The following LMO1 variants were observed in gnomAD, a reference collection of about 807,000 sequenced individuals.
The protein encoded by LMO1 is LIM domain only 1.
A neutral mutation model predicts 18.0 loss-of-function variants in LMO1; 10 were observed. The observed-to-expected ratio is 0.55, with a 90% CI of 0.34 to 0.94. LMO1 has a LOEUF of 0.94. Among genes scored for constraint, LMO1 ranks in the 40% least tolerant of loss-of-function variants. LMO1 has a pLI of 0.02. For missense variants in LMO1, 183 were observed against 205.7 expected (o/e 0.89, Z 0.68); for synonymous variants, 77 against 77.9 (o/e 0.99, Z 0.06).
chr11:8,263,231 C>G (rs1183988399), intron 1 of LMO1, 107 bp downstream of exon 1: 1 of 1,114,978 alleles, frequency 9.0e-7, no homozygotes, highest in African/African-American at 1.6e-5. Context: ...CCCGCAATCC[C>G]CGCACAGCCC....
rs146494630 is a variant in LMO1 at position 8,225,849 on chromosome 11, C to A, written c.365+1126G>T. Among the ~76,000 whole-genome samples the A allele has an allele frequency of 3.8e-4, 58 of 152,332 alleles. 1 individual carries two copies. The East Asian group carries it at 9.8e-3, about 26-fold the overall frequency. ...GTTCCCTGTAGGTCCCTCTGAACCT[C>A]ACTTCAGGGAGCACTTGTATGCGTT... On this transcript the variant is annotated intron_variant, in intron 3 of 3. Transcript: ENST00000335790.
chr11:8,268,349 T>G (rs1847282110), upstream of LMO1: 1 of 1,287,464 alleles, frequency 7.8e-7, no homozygotes, highest in Admixed American at 2.8e-5. Context: ...CGGGGTGGAC[T>G]CCGCAGGGCC....
chr11:8,243,777 G>A (rs1347497259), intron 1 of LMO1, among the ~76,000 whole-genome samples: 1 of 152,224 alleles, frequency 6.6e-6, no homozygotes, highest in African/African-American at 2.4e-5. Flanking sequence ...ACCCTAGAAA[G>A]GGCCCCAGGC....
At position 8,250,714 on chromosome 11, in the gene LMO1, C is replaced by T. The variant is rs1240133274; in HGVS notation, c.25+12624G>A. The stretch of plus-strand genomic sequence containing the variant: ...ACAGGCAAAGAGCTGGGGTGCAGCC[C>T]GAGGCCCCATGCCAGTCGGATGCAG... On this transcript the variant is annotated intron_variant, in intron 1 of 3. Transcript: ENST00000335790. 2.6e-5 allele frequency among the ~76,000 whole-genome samples: 4 copies of T among 152,234 alleles called. 1 individual carries two copies. The highest frequency in any genetic ancestry group is 4.4e-5 in the Non-Finnish European group (3 of 68,042).
At chr11:8,249,596 A>C (rs58672701) in intron 1 of LMO1, among the ~76,000 whole-genome samples, 2,367 of 152,270 alleles carry the variant, frequency 0.016, 50 homozygotes, top group African/African-American at 0.052. Context: ...TGTAACATGT[A>C]ACAAACCTGC....
chr11:8,265,511 A>G (rs1434212825), upstream of LMO1, among the ~76,000 whole-genome samples: 1 of 152,216 alleles, frequency 6.6e-6, no homozygotes, highest in Non-Finnish European at 1.5e-5. Flanking sequence ...TCTGCAGCTC[A>G]GAGGGTTTCA....
At chr11:8,252,860 G>A (rs1165088722) in intron 1 of LMO1, among the ~76,000 whole-genome samples, 2 of 152,252 alleles carry the variant, frequency 1.3e-5, no homozygotes, top group Non-Finnish European at 2.9e-5. Context: ...CCACAGCAAC[G>A]AGAGAATAAG....
At chr11:8,257,493 T>C (rs1203687387) in intron 1 of LMO1, among the ~76,000 whole-genome samples, 3 of 152,212 alleles carry the variant, frequency 2.0e-5, no homozygotes, top group Admixed American at 6.5e-5. Flanking sequence ...CCCAAGCACG[T>C]GGTCCGTGGT....
At chr11:8,267,137 T>C (rs1847269363), upstream of LMO1, among the ~76,000 whole-genome samples, 1 of 152,192 alleles carries the variant, frequency 6.6e-6, no homozygotes, top group African/African-American at 2.4e-5. Context: ...CAGTTATAGA[T>C]TGTTAGGCCT....
chr11:8,233,550 C>G (rs904616272), intron 1 of LMO1, among the ~76,000 whole-genome samples: 3 of 152,220 alleles, frequency 2.0e-5, no homozygotes, highest in African/African-American at 7.2e-5. Context: ...TGTCTGCTCT[C>G]ACCGGGCTGG....
chr11:8,232,611 T>C (rs1188428753), intron 1 of LMO1, among the ~76,000 whole-genome samples: 1 of 152,174 alleles, frequency 6.6e-6, no homozygotes. Flanking sequence ...GGGAAAATCT[T>C]GGGCCAGGCC....
intron 1 of LMO1, among the ~76,000 whole-genome samples, chr11:8,255,540 C>T (rs958734509): frequency 6.6e-5 from 10 of 152,110 alleles, no homozygotes; most frequent in South Asian, 4.1e-4. Context: ...CCTTCCGGAC[C>T]GGTCTCTGCC....
At chr11:8,249,166 G>A (rs1334562676) in intron 1 of LMO1, among the ~76,000 whole-genome samples, 1 of 152,170 alleles carries the variant, frequency 6.6e-6, no homozygotes, top group Non-Finnish European at 1.5e-5. Flanking sequence ...CACAGCTTCA[G>A]CACAGTTTCT....
chr11:8,249,000 G>T (rs187110489), intron 1 of LMO1, among the ~76,000 whole-genome samples: 15 of 152,338 alleles, frequency 9.8e-5, no homozygotes, highest in African/African-American at 2.9e-4. Flanking sequence ...ACAAAGCTGG[G>T]CAAGGACAGG....
chr11:8,255,399 G>A (rs1429310307), intron 1 of LMO1, among the ~76,000 whole-genome samples: 1 of 152,196 alleles, frequency 6.6e-6, no homozygotes, highest in Non-Finnish European at 1.5e-5. Context: ...CTCAGCTTGG[G>A]AGACTGAAGA....
At position 8,244,944 on chromosome 11, in the gene LMO1, C is replaced by T. The variant is rs539152085; in HGVS notation, c.26-14440G>A. 8.5e-5 allele frequency among the ~76,000 whole-genome samples: 13 copies of T among 152,346 alleles called. No individual in the cohort carries two copies. The East Asian group carries it at 1.7e-3, about 20-fold the overall frequency. On this transcript the variant is annotated intron_variant, in intron 1 of 3. Coordinates refer to ENST00000335790, the MANE Select transcript of LMO1 (RefSeq NM_002315.3). Reference sequence around the variant, plus strand: ...AGCCCAGAAGCCAGCCACTTCTCCCCGACAGTTCCACAGTACCCTGCATCC... The same window carrying T: ...AGCCCAGAAGCCAGCCACTTCTCCCTGACAGTTCCACAGTACCCTGCATCC...
In LMO1 at chr11:8,252,198, CTT is replaced by C. The variant is rs1228718180; in HGVS notation, c.25+11138_25+11139del. 6.6e-5 allele frequency among the ~76,000 whole-genome samples: 10 copies of C among 152,316 alleles called. No homozygotes were observed. The East Asian group carries it at 1.9e-3, about 29-fold the overall frequency. ...TTGCTGGGGTATCCCAGCCAAGTGT[CTT>C]TTCCTCTCTGGACACAACCTAGTCC... On this transcript the variant is annotated intron_variant, in intron 1 of 3. Transcript: ENST00000335790.
At chr11:8,255,780 A>G (rs886448236) in intron 1 of LMO1, among the ~76,000 whole-genome samples, 6 of 151,884 alleles carry the variant, frequency 4.0e-5, no homozygotes, top group Non-Finnish European at 8.8e-5. Context: ...ATTACACAGC[A>G]ATAACTAATT....
intron 1 of LMO1, 36 bp from the exon 2 acceptor site, chr11:8,230,540 G>A (rs1282559998): frequency 1.3e-6 from 2 of 1,587,782 alleles, no homozygotes; most frequent in South Asian, 2.2e-5. Context: ...CGCAGGATGG[G>A]CCCCGTAGCT....
Sources: gnomAD v4.1 joint callset for allele counts (sites outside exome capture counted in the v4.1 genomes callset) on GRCh38, gnomAD v4.1.1 for gene constraint, MANE v1.5 for transcripts, NCBI Gene and HGNC (gene_info 2026-07-23, HGNC 2026-07-21) for gene names.